The following GUCY1A2 variants were observed in gnomAD, a reference collection of about 807,000 sequenced individuals.
GUCY1A2 encodes the protein guanylate cyclase soluble subunit alpha-2.
GUCY1A2 carries 27 observed loss-of-function variants against 63.5 expected under a neutral mutation model. The observed-to-expected ratio is 0.43, with a 90% CI of 0.31 to 0.59. The LOEUF is 0.59. Ranked by LOEUF, GUCY1A2 falls within the 20% of genes least tolerant of loss-of-function variation. The probability of loss-of-function intolerance (pLI) is 0.11; values close to 1 mark genes in which losing one functional copy is unlikely to be tolerated. For synonymous variants in GUCY1A2, 364 were observed against 343.5 expected (o/e 1.06, Z -0.66); for missense variants, 768 against 913.3 (o/e 0.84, Z 2.05).
chr11:106,826,074 G>T (rs1267730561), intron 4 of GUCY1A2, among the ~76,000 whole-genome samples: 1 of 152,084 alleles, frequency 6.6e-6, no homozygotes, highest in African/African-American at 2.4e-5. Context: ...AGTACATTTG[G>T]CTAAATAGAT....
intron 4 of GUCY1A2, among the ~76,000 whole-genome samples, chr11:106,909,043 T>C (rs974564382): frequency 2.0e-5 from 3 of 151,934 alleles, no homozygotes; most frequent in Non-Finnish European, 4.4e-5. Context: ...CCAGGAATAG[T>C]GCGGAATGAA....
At chr11:106,757,452 A>T (rs886399383) in intron 6 of GUCY1A2, among the ~76,000 whole-genome samples, 4 of 152,028 alleles carry the variant, frequency 2.6e-5, no homozygotes, top group South Asian at 2.1e-4. Context: ...GGAATTTTCA[A>T]CCTTTTTTCA....
At chr11:106,921,583 T>C (rs1030248776) in intron 4 of GUCY1A2, among the ~76,000 whole-genome samples, 10 of 152,116 alleles carry the variant, frequency 6.6e-5, no homozygotes, top group South Asian at 2.1e-4. Flanking sequence ...AAAGAACCAA[T>C]TGTCCACTCA....
chr11:106,742,348 A>T (rs1863709654), intron 6 of GUCY1A2, among the ~76,000 whole-genome samples: 1 of 151,964 alleles, frequency 6.6e-6, no homozygotes, highest in African/African-American at 2.4e-5. Context: ...TCCACTCACT[A>T]CCCACTGAAG....
intron 1 of GUCY1A2, among the ~76,000 whole-genome samples, chr11:106,994,761 T>C (rs1861513850): frequency 6.6e-6 from 1 of 152,224 alleles, no homozygotes; most frequent in African/African-American, 2.4e-5. Flanking sequence ...CCATTGGTAA[T>C]TTATTTCACT....
chr11:106,905,136 G>A (rs538751668), intron 4 of GUCY1A2, among the ~76,000 whole-genome samples: 1 of 152,130 alleles, frequency 6.6e-6, no homozygotes, highest in African/African-American at 2.4e-5. Context: ...CGGCAAACAT[G>A]GAAAGATACA....
intron 1 of GUCY1A2, among the ~76,000 whole-genome samples, chr11:106,999,959 C>T (rs1861591294): frequency 6.6e-6 from 1 of 152,162 alleles, no homozygotes; most frequent in Non-Finnish European, 1.5e-5. Context: ...CCCTCACCCG[C>T]AACCCAAGAA....
At chr11:106,723,126 C>T (rs1863347669) in intron 6 of GUCY1A2, among the ~76,000 whole-genome samples, 1 of 152,142 alleles carries the variant, frequency 6.6e-6, no homozygotes, top group Admixed American at 6.5e-5. Context: ...TGATTGTTTC[C>T]TCTGACTGTG....
chr11:106,863,082 G>T lies in GUCY1A2; in HGVS notation c.1207-52604C>A, dbSNP rs551576850. Reference sequence around the variant, plus strand: ...AAACTTGTAAGAGATTTGTATCGAGGCTAAACACAAAGGGAGAGTGAAAGA... The same window carrying T: ...AAACTTGTAAGAGATTTGTATCGAGTCTAAACACAAAGGGAGAGTGAAAGA... On this transcript the variant is annotated intron_variant, in intron 4 of 7. Transcript: ENST00000526355. Among the ~76,000 whole-genome samples the T allele has an allele frequency of 1.4e-4, 21 of 152,180 alleles. No homozygotes were observed. In the South Asian group the frequency reaches 4.4e-3, roughly 32 times the overall value.
chr11:106,848,317 T>G (rs768274347), intron 4 of GUCY1A2, among the ~76,000 whole-genome samples: 1 of 151,678 alleles, frequency 6.6e-6, no homozygotes, highest in Non-Finnish European at 1.5e-5. Flanking sequence ...ATGAAATAAT[T>G]GATTTTTCAG....
intron 6 of GUCY1A2, among the ~76,000 whole-genome samples, chr11:106,767,680 A>ATCTT (rs751706865): frequency 1.3e-5 from 2 of 152,122 alleles, no homozygotes; most frequent in African/African-American, 2.4e-5. Flanking sequence ...TTATGCTGAT[A>ATCTT]TCTTACAGAG....
intron 4 of GUCY1A2, among the ~76,000 whole-genome samples, chr11:106,818,203 T>C (rs1858856538): frequency 6.6e-6 from 1 of 152,308 alleles, no homozygotes; most frequent in East Asian, 1.9e-4. Context: ...GTTTTACAAA[T>C]TGAAAGTTTG....
intron 4 of GUCY1A2, among the ~76,000 whole-genome samples, chr11:106,831,273 T>G (rs969036567): frequency 6.6e-6 from 1 of 152,224 alleles, no homozygotes; most frequent in African/African-American, 2.4e-5. Context: ...AATCAGAATT[T>G]GTCTTTCTAG....
chr11:106,967,736 G>C (rs1861144345), intron 3 of GUCY1A2, among the ~76,000 whole-genome samples: 1 of 144,776 alleles, frequency 6.9e-6, no homozygotes. Flanking sequence ...GGAAAGGAGG[G>C]AGGGAGGGAG....
intron 5 of GUCY1A2, among the ~76,000 whole-genome samples, chr11:106,789,208 T>G (rs1025344109): frequency 1.3e-5 from 2 of 152,242 alleles, no homozygotes; most frequent in Non-Finnish European, 2.9e-5. Flanking sequence ...ACTGTGTATT[T>G]TCAAGTAGCT....
intron 6 of GUCY1A2, among the ~76,000 whole-genome samples, chr11:106,727,855 C>T (rs191948065): frequency 6.6e-6 from 1 of 152,154 alleles, no homozygotes; most frequent in African/African-American, 2.4e-5. Flanking sequence ...AATTTCTCCA[C>T]CTGACTCCAG....
chr11:106,677,320 C>T lies in GUCY1A2; in HGVS notation c.*10229G>A, dbSNP rs1375158098. ...TTATGTATATAAACCATTCATTTCACATTCATCAAGAATTTTATTCATGAA... is the reference window on the plus strand; with the variant it reads ...TTATGTATATAAACCATTCATTTCATATTCATCAAGAATTTTATTCATGAA... On this transcript the variant is annotated 3_prime_UTR_variant, in exon 8 of 8. Transcript: ENST00000526355. 1 of 215,304 alleles carries T rather than the reference C, an allele frequency of 4.6e-6. No homozygotes were observed. The highest frequency in any genetic ancestry group is 9.4e-6 in the Non-Finnish European group (1 of 106,694). The allele number at this position is 215,304 out of a possible 1,614,324, so 13.3% of individuals were successfully genotyped here.
intron 4 of GUCY1A2, among the ~76,000 whole-genome samples, chr11:106,857,226 G>A (rs964478741): frequency 2.6e-5 from 4 of 152,056 alleles, no homozygotes; most frequent in South Asian, 2.1e-4. Context: ...CAGAAGGGTC[G>A]AGTTCCTGGT....
At chr11:106,982,387 G>T (rs1861348600) in intron 2 of GUCY1A2, among the ~76,000 whole-genome samples, 1 of 152,114 alleles carries the variant, frequency 6.6e-6, no homozygotes, top group Admixed American at 6.6e-5. Context: ...CACCCAGAAA[G>T]TTAGTCCATT....
Sources: allele counts gnomAD v4.1 joint callset (sites outside exome capture counted in the v4.1 genomes callset), GRCh38; gene constraint gnomAD v4.1.1; transcripts MANE v1.5; gene names NCBI Gene and HGNC (gene_info 2026-07-23, HGNC 2026-07-21).